The following COG5 variants were observed in gnomAD, a reference collection of about 807,000 sequenced individuals.
COG5 encodes the protein component of oligomeric golgi complex 5.
A neutral mutation model predicts 110.4 loss-of-function variants in COG5; 86 were observed. That is an observed-to-expected ratio of 0.78 (90% CI 0.65 to 0.93). COG5 has a LOEUF of 0.93. Ranked by LOEUF, COG5 falls within the 40% of genes least tolerant of loss-of-function variation. The probability of loss-of-function intolerance (pLI) is 0.00; values close to 1 mark genes in which losing one functional copy is unlikely to be tolerated. For synonymous variants in COG5, 360 were observed against 334.6 expected, an observed-to-expected ratio of 1.08 and a Z score of -0.83; for missense variants, 1,077 against 987.0, an observed-to-expected ratio of 1.09 and a Z score of -1.22.
At chr7:107,398,134 A>T (rs942526076) in intron 7 of COG5, among the ~76,000 whole-genome samples, 1 of 152,228 alleles carries the variant, frequency 6.6e-6, no homozygotes, top group South Asian at 2.1e-4. Flanking sequence ...ACTTTATCAA[A>T]ACAAAAAATT....
chr7:107,563,290 C>T, intron 1 of COG5, among the ~76,000 whole-genome samples: 1 of 151,306 alleles, frequency 6.6e-6, no homozygotes, highest in Non-Finnish European at 1.5e-5. Flanking sequence ...ATAACTGCCT[C>T]ATAAAGGAGG....
chr7:107,316,714 C>T (rs1017089614), intron 11 of COG5, among the ~76,000 whole-genome samples: 2 of 149,914 alleles, frequency 1.3e-5, no homozygotes, highest in South Asian at 4.2e-4. Flanking sequence ...CGGCTATAGT[C>T]CCAGCTACTC....
chr7:107,532,078 G>A (rs191306586), intron 5 of COG5, among the ~76,000 whole-genome samples: 1 of 152,090 alleles, frequency 6.6e-6, no homozygotes, highest in East Asian at 1.9e-4. Context: ...CTTTTTTTGA[G>A]ACGGTTTCGC....
intron 6 of COG5, among the ~76,000 whole-genome samples, chr7:107,476,405 C>G (rs1320207181): frequency 6.6e-6 from 1 of 151,430 alleles, no homozygotes. Flanking sequence ...ATGTTCCCAC[C>G]AAATCATAGC....
chr7:107,409,230 G>GAAAAAA (rs11366303), intron 7 of COG5, among the ~76,000 whole-genome samples: 2 of 104,992 alleles, frequency 1.9e-5, no homozygotes, highest in African/African-American at 3.3e-5. Context: ...CAACGTCAAG[G>GAAAAAA]AAAAAAAAAA....
At chr7:107,370,689 G>A (rs950871622) in intron 8 of COG5, among the ~76,000 whole-genome samples, 13 of 150,800 alleles carry the variant, frequency 8.6e-5, no homozygotes, top group African/African-American at 2.4e-4. Flanking sequence ...AGGAGGCTGA[G>A]ACAGGCGAAT....
intron 6 of COG5, among the ~76,000 whole-genome samples, chr7:107,455,227 C>G (rs1352117445): frequency 6.6e-6 from 1 of 152,064 alleles, no homozygotes; most frequent in East Asian, 1.9e-4. Context: ...CATAGGAGTG[C>G]AAACTAGAAC....
chr7:107,362,277 T>C (rs775221558), intron 9 of COG5, 31 bp downstream of exon 9: 4 of 1,538,002 alleles, frequency 2.6e-6, no homozygotes, highest in Non-Finnish European at 2.7e-6. Flanking sequence ...TAATCCATAT[T>C]AATGTTTTTT....
intron 14 of COG5, among the ~76,000 whole-genome samples, chr7:107,263,497 A>G (rs986948710): frequency 3.3e-5 from 5 of 152,234 alleles, no homozygotes; most frequent in African/African-American, 1.2e-4. Context: ...ACACTATTCC[A>G]GTACAATCTG....
chr7:107,555,818 C>T (rs1215053642), intron 2 of COG5, among the ~76,000 whole-genome samples: 4 of 152,008 alleles, frequency 2.6e-5, no homozygotes, highest in African/African-American at 7.3e-5. Context: ...TTGAGACCAG[C>T]CTGGCCAACA....
intron 3 of COG5, among the ~76,000 whole-genome samples, chr7:107,551,134 C>T (rs191336889): frequency 4.6e-5 from 7 of 152,222 alleles, no homozygotes; most frequent in Admixed American, 1.3e-4. Flanking sequence ...GCTCCACCTC[C>T]GGGGTTCACG....
At chr7:107,496,314 A>G (rs74632724) in intron 6 of COG5, among the ~76,000 whole-genome samples, 22,591 of 152,164 alleles carry the variant, frequency 0.15, 2,100 homozygotes, top group Non-Finnish European at 0.2. Context: ...ATCATACATC[A>G]TGAACAACTA....
At chr7:107,411,818 A>C (rs965258385) in intron 7 of COG5, among the ~76,000 whole-genome samples, 8 of 152,150 alleles carry the variant, frequency 5.3e-5, no homozygotes, top group African/African-American at 1.9e-4. Flanking sequence ...GGATATGAAA[A>C]AACTCTATTA....
chr7:107,237,265 G>A (rs1273213926), intron 17 of COG5, among the ~76,000 whole-genome samples: 1 of 152,162 alleles, frequency 6.6e-6, no homozygotes, highest in African/African-American at 2.4e-5. Flanking sequence ...GGTTTGGAAA[G>A]GCTTTAATTT....
At position 107,382,723 on chromosome 7, in the gene COG5, GCCACCGCAC is replaced by G. The variant is rs541204226; in HGVS notation, c.670-9972_670-9964del. Among the ~76,000 whole-genome samples the G allele has an allele frequency of 5.9e-5, 9 of 152,316 alleles. No homozygotes were observed. In the South Asian group the frequency reaches 1.9e-3, roughly 32 times the overall value. ...CAAAGTGCTGAGATTACAGGCATGA[GCCACCGCAC>G]CCAGCCTAAAGTCTATTTTTCAAAG... On this transcript the variant is annotated intron_variant, in intron 7 of 21. Transcript: ENST00000297135.
At chr7:107,306,281 G>A (rs1807711488) in intron 11 of COG5, among the ~76,000 whole-genome samples, 1 of 152,190 alleles carries the variant, frequency 6.6e-6, no homozygotes, top group African/African-American at 2.4e-5. Flanking sequence ...ACAAAACACA[G>A]CTAAGTCATT....
intron 6 of COG5, among the ~76,000 whole-genome samples, chr7:107,465,905 C>T (rs1017079194): frequency 6.6e-6 from 1 of 152,076 alleles, no homozygotes; most frequent in African/African-American, 2.4e-5. Flanking sequence ...TGTCCCCCAG[C>T]ACAGCATAAG....
At chr7:107,516,884 C>T (rs1799957174) in intron 6 of COG5, among the ~76,000 whole-genome samples, 1 of 152,168 alleles carries the variant, frequency 6.6e-6, no homozygotes, top group Non-Finnish European at 1.5e-5. Context: ...GTAGATAAAT[C>T]CACAAAGATG....
At chr7:107,243,341 G>A (rs1035939628) in intron 17 of COG5, among the ~76,000 whole-genome samples, 3 of 151,672 alleles carry the variant, frequency 2.0e-5, no homozygotes, top group Non-Finnish European at 4.4e-5. Context: ...GTGAAACCCC[G>A]TCTCTACTAA....
Sources: gnomAD v4.1 joint callset for allele counts (sites outside exome capture counted in the v4.1 genomes callset) on GRCh38, gnomAD v4.1.1 for gene constraint, MANE v1.5 for transcripts, NCBI Gene and HGNC (gene_info 2026-07-23, HGNC 2026-07-21) for gene names.